The following ADGRB3 variants were observed in gnomAD, a reference collection of about 807,000 sequenced individuals.
ADGRB3 encodes the protein brain-specific angiogenesis inhibitor 3.
Under a neutral mutation model 193.4 loss-of-function variants are expected in ADGRB3, and 37 were observed. The ratio of observed to expected loss-of-function variants is 0.19; its 90% CI spans 0.15 to 0.25. ADGRB3 has a LOEUF of 0.25. ADGRB3 is among the 10% of genes least tolerant of loss of function. The pLI, the probability that ADGRB3 is intolerant of heterozygous loss-of-function variation, is 1.00. For missense variants in ADGRB3, 1,637 were observed against 1,852.9 expected, an observed-to-expected ratio of 0.88 and a Z score of 2.14; for synonymous variants, 690 against 644.2, an observed-to-expected ratio of 1.07 and a Z score of -1.08.
chr6:69,037,618 CCTTT>C (rs1770910386), intron 13 of ADGRB3, among the ~76,000 whole-genome samples: 1 of 152,010 alleles, frequency 6.6e-6, no homozygotes, highest in South Asian at 2.1e-4. Context: ...TTAAACTATC[CCTTT>C]CTAAGTTAAT....
intron 3 of ADGRB3, among the ~76,000 whole-genome samples, chr6:68,662,301 G>A (rs1768682730): frequency 6.6e-6 from 1 of 151,384 alleles, no homozygotes; most frequent in Non-Finnish European, 1.5e-5. Flanking sequence ...CATTGGAGAG[G>A]GGAGTCTAAG....
At chr6:68,912,874 C>T (rs1562083242) in intron 3 of ADGRB3, among the ~76,000 whole-genome samples, 2 of 152,138 alleles carry the variant, frequency 1.3e-5, no homozygotes, top group South Asian at 2.1e-4. Flanking sequence ...TGCGCTTTTC[C>T]GATGGGCTTA....
chr6:69,377,368 A>C (rs984819014), intron 30 of ADGRB3, among the ~76,000 whole-genome samples: 2 of 152,040 alleles, frequency 1.3e-5, no homozygotes, highest in African/African-American at 4.8e-5. Flanking sequence ...AAAGTAAGTC[A>C]TAGATACCAG....
intron 3 of ADGRB3, among the ~76,000 whole-genome samples, chr6:68,666,796 C>T (rs1191465687): frequency 1.3e-5 from 2 of 150,318 alleles, no homozygotes; most frequent in Non-Finnish European, 3.0e-5. Context: ...GATGACTTAC[C>T]CTAAAAAAAG....
At position 69,024,452 on chromosome 6, in the gene ADGRB3, G is replaced by A. The variant is rs1383429274; in HGVS notation, c.2107+5953G>A. Among the ~76,000 whole-genome samples, 3 of 152,138 alleles carry A rather than the reference G, an allele frequency of 2.0e-5. 1 individual carries two copies. The South Asian group carries it at 6.2e-4, about 32-fold the overall frequency. On this transcript the variant is annotated intron_variant, in intron 13 of 31. Transcript: ENST00000370598. ...CAATGGATTACACCCATAAAATTTT[G>A]ATACAGTAATCTTTATGAATTTACT... is the stretch of plus-strand genomic sequence containing the variant.
At chr6:69,055,002 T>C (rs891739661) in intron 15 of ADGRB3, among the ~76,000 whole-genome samples, 8 of 152,188 alleles carry the variant, frequency 5.3e-5, no homozygotes, top group African/African-American at 9.6e-5. Context: ...AATCTAAAAA[T>C]GGAAAAGGAC....
At chr6:69,368,947 A>T (rs1327740918) in intron 29 of ADGRB3, among the ~76,000 whole-genome samples, 4 of 152,126 alleles carry the variant, frequency 2.6e-5, no homozygotes, top group Non-Finnish European at 5.9e-5. Context: ...AGGAAAGAGC[A>T]TAGAAGGTTT....
chr6:68,722,352 T>C (rs920304910), intron 3 of ADGRB3, among the ~76,000 whole-genome samples: 1 of 151,626 alleles, frequency 6.6e-6, no homozygotes, highest in East Asian at 2.0e-4. Flanking sequence ...AGGGGAGAGA[T>C]AGCATTAGGA....
chr6:69,332,532 T>C, intron 23 of ADGRB3: 1 of 985,416 alleles, frequency 1.0e-6, no homozygotes, highest in Non-Finnish European at 1.2e-6. Context: ...CCTAACCTCA[T>C]ACTCTAAGAT....
chr6:68,753,324 A>G (rs1766237526), intron 3 of ADGRB3, among the ~76,000 whole-genome samples: 1 of 152,198 alleles, frequency 6.6e-6, no homozygotes, highest in Non-Finnish European at 1.5e-5. Context: ...AAAGTGGAAA[A>G]AGGGAAAAGA....
At position 69,361,096 on chromosome 6, in the gene ADGRB3, A is replaced by G; in HGVS notation, c.3823A>G (p.Ser1275Gly). 22 of 1,612,832 alleles carry G rather than the reference A, an allele frequency of 1.4e-5. No homozygotes were observed. The highest frequency in any genetic ancestry group is 1.9e-5 in the Non-Finnish European group (22 of 1,179,214). The change falls in exon 29 of 32, where the codon AGT becomes GGT. Residue 1275 changes from serine to glycine, a missense_variant. This residue lies in a region of ADGRB3 where 368 missense variants were observed against 367.4 expected (regional missense o/e 1.00). Transcript: ENST00000370598. ...CAATCCATGTTTGAAAAAAGAAAATAGTGAATTGCGGAGAACTGTGTACTT... is the reference window on the plus strand; with the variant it reads ...CAATCCATGTTTGAAAAAAGAAAATGGTGAATTGCGGAGAACTGTGTACTT... ...LSNPCLKKEN[S>G]ELRRTVYLCT...
intron 3 of ADGRB3, among the ~76,000 whole-genome samples, chr6:68,891,253 C>T (rs530843869): frequency 5.9e-5 from 9 of 152,198 alleles, no homozygotes; most frequent in Non-Finnish European, 7.4e-5. Context: ...AGGTCCCTCC[C>T]GCAACACGTG....
chr6:68,876,018 TATTA>T (rs1243962083), intron 3 of ADGRB3, among the ~76,000 whole-genome samples: 1 of 152,010 alleles, frequency 6.6e-6, no homozygotes, highest in Non-Finnish European at 1.5e-5. Flanking sequence ...GGAATATAAA[TATTA>T]ATTTTTATTA....
chr6:68,720,590 A>G (rs1209038865), intron 3 of ADGRB3, among the ~76,000 whole-genome samples: 1 of 151,834 alleles, frequency 6.6e-6, no homozygotes, highest in Non-Finnish European at 1.5e-5. Context: ...AATGAGTGTT[A>G]GAATACTGAA....
chr6:68,761,199 C>T (rs570713741), intron 3 of ADGRB3, among the ~76,000 whole-genome samples: 14 of 152,182 alleles, frequency 9.2e-5, no homozygotes, highest in Non-Finnish European at 1.8e-4. Flanking sequence ...AGGAACTCCC[C>T]ACCTCCAAGT....
At chr6:68,786,165 C>G (rs998843780) in intron 3 of ADGRB3, among the ~76,000 whole-genome samples, 1 of 151,970 alleles carries the variant, frequency 6.6e-6, no homozygotes, top group Non-Finnish European at 1.5e-5. Flanking sequence ...TAATTAGATC[C>G]CATTTGTCAA....
chr6:68,983,488 A>G (rs1768984753), intron 10 of ADGRB3, among the ~76,000 whole-genome samples: 1 of 149,318 alleles, frequency 6.7e-6, no homozygotes, highest in Non-Finnish European at 1.5e-5. Context: ...ATATAATTGT[A>G]TAGTATAATT....
At chr6:69,210,858 G>A (rs749467906) in intron 17 of ADGRB3, among the ~76,000 whole-genome samples, 14 of 151,954 alleles carry the variant, frequency 9.2e-5, no homozygotes, top group Non-Finnish European at 1.6e-4. Flanking sequence ...GCTCACGCCT[G>A]TAATCCCAGC....
chr6:69,288,821 T>C (rs1561977804), intron 20 of ADGRB3, among the ~76,000 whole-genome samples: 2 of 152,140 alleles, frequency 1.3e-5, no homozygotes, highest in South Asian at 2.1e-4. Context: ...GTGGAATGGT[T>C]GAAAAAATGA....
Sources: allele counts gnomAD v4.1 joint callset (sites outside exome capture counted in the v4.1 genomes callset), GRCh38; gene constraint gnomAD v4.1.1; regional missense constraint gnomAD v4.1.1; transcripts MANE v1.5; gene names NCBI Gene and HGNC (gene_info 2026-07-23, HGNC 2026-07-21).